SLCO5A1: variants seen among roughly 807,000 people sequenced by gnomAD.
SLCO5A1 encodes the protein organic anion transporter polypeptide-related protein 4.
A neutral mutation model predicts 65.1 loss-of-function variants in SLCO5A1; 39 were observed. That is an observed-to-expected ratio of 0.60 (90% confidence interval 0.46 to 0.78). The LOEUF is 0.78. Among genes scored for constraint, SLCO5A1 ranks in the 30% least tolerant of loss-of-function variants. SLCO5A1 has a pLI of 0.00. For synonymous variants in SLCO5A1, 438 were observed against 415.7 expected (o/e 1.05, Z -0.65); for missense variants, 1,029 against 1,069.4 (o/e 0.96, Z 0.53).
chr8:69,728,460 C>A (rs1002340883), intron 5 of SLCO5A1, among the ~76,000 whole-genome samples: 3 of 151,736 alleles, frequency 2.0e-5, no homozygotes, highest in African/African-American at 7.3e-5. Context: ...AATTAAAAAC[C>A]AAAAACAAAT....
intron 5 of SLCO5A1, among the ~76,000 whole-genome samples, chr8:69,706,006 T>C (rs889409681): frequency 2.0e-5 from 3 of 152,238 alleles, no homozygotes; most frequent in African/African-American, 7.2e-5. Context: ...TGAAGCATTA[T>C]AATTGTAAAA....
chr8:69,775,507 T>C (rs1818520202), intron 2 of SLCO5A1, among the ~76,000 whole-genome samples: 1 of 152,204 alleles, frequency 6.6e-6, no homozygotes, highest in Non-Finnish European at 1.5e-5. Flanking sequence ...CCACTGTTTA[T>C]ACACTTCATC....
chr8:69,686,546 A>C (rs1244418908), intron 6 of SLCO5A1, among the ~76,000 whole-genome samples: 1 of 152,184 alleles, frequency 6.6e-6, no homozygotes, highest in Non-Finnish European at 1.5e-5. Flanking sequence ...AAGTTGTCTC[A>C]TTCATTCCCC....
chr8:69,704,618 A>G (rs1814889375), intron 6 of SLCO5A1, among the ~76,000 whole-genome samples: 1 of 152,214 alleles, frequency 6.6e-6, no homozygotes, highest in Non-Finnish European at 1.5e-5. Context: ...GCTTGCAGGA[A>G]TGGGAAGAGC....
chr8:69,782,904 A>G (rs1050935472), intron 2 of SLCO5A1, among the ~76,000 whole-genome samples: 3 of 152,192 alleles, frequency 2.0e-5, no homozygotes, highest in Non-Finnish European at 2.9e-5. Flanking sequence ...TCGTAAGAGT[A>G]TTGGCTTCAG....
chr8:69,673,136 T>C lies in SLCO5A1; in HGVS notation c.2280A>G (p.Ile760Met), dbSNP rs753311659. 2 of 1,614,242 alleles carry C rather than the reference T, an allele frequency of 1.2e-6. No individual in the cohort carries two copies. The highest frequency in any genetic ancestry group is 1.7e-5 in the Admixed American group (1 of 60,038). Reference sequence around the variant, plus strand: ...TCTGCAGTCCATCCTCCTTGTATTTTATGGAGTACCAGGCCAGAAAAATAA... The same window carrying C: ...TCTGCAGTCCATCCTCCTTGTATTTCATGGAGTACCAGGCCAGAAAAATAA... The part of the protein sequence containing the change: ...FIFIFLAWYS[I>M]KYKEDGLQRR... Residue 760 changes from isoleucine to methionine, a missense_variant, in exon 10 of 10, where the codon ATA becomes ATG. Physicochemically the swap from Ile to Met is conservative, Grantham distance 10. Coordinates refer to ENST00000260126, the MANE Select transcript of SLCO5A1 (RefSeq NM_030958.3).
chr8:69,822,691 G>A (rs1056840538), intron 2 of SLCO5A1, among the ~76,000 whole-genome samples: 9 of 152,130 alleles, frequency 5.9e-5, no homozygotes, highest in African/African-American at 1.4e-4. Flanking sequence ...CAGAACACTC[G>A]CACACATGGA....
chr8:69,720,943 C>T (rs542824258), intron 5 of SLCO5A1, among the ~76,000 whole-genome samples: 1 of 152,250 alleles, frequency 6.6e-6, no homozygotes, highest in East Asian at 1.9e-4. Context: ...GATTGGGTTC[C>T]AATAAAGTTT....
At chr8:69,789,191 T>C (rs1490558147) in intron 2 of SLCO5A1, among the ~76,000 whole-genome samples, 1 of 152,206 alleles carries the variant, frequency 6.6e-6, no homozygotes, top group African/African-American at 2.4e-5. Context: ...TAGAGCACCA[T>C]CACCTTCAGC....
intron 2 of SLCO5A1, chr8:69,794,649 G>A (rs1819413145): frequency 3.1e-6 from 1 of 322,956 alleles, no homozygotes; most frequent in African/African-American, 2.2e-5. Context: ...CTGTTTTTAG[G>A]ACTCTTTATG....
chr8:69,719,008 C>T (rs1312177830), intron 5 of SLCO5A1, among the ~76,000 whole-genome samples: 1 of 152,094 alleles, frequency 6.6e-6, no homozygotes, highest in Non-Finnish European at 1.5e-5. Flanking sequence ...GTGAACACAG[C>T]ATTAGGGGGA....
intron 5 of SLCO5A1, among the ~76,000 whole-genome samples, chr8:69,706,362 G>A (rs1172011747): frequency 1.3e-5 from 2 of 152,182 alleles, no homozygotes; most frequent in African/African-American, 4.8e-5. Flanking sequence ...AGGTTCCTCT[G>A]GTGCTGAAAA....
intron 2 of SLCO5A1, among the ~76,000 whole-genome samples, chr8:69,786,912 T>A (rs1366146485): frequency 6.6e-6 from 1 of 152,196 alleles, no homozygotes; most frequent in African/African-American, 2.4e-5. Flanking sequence ...TAGTTAAGGA[T>A]CCATTCCAAT....
intron 6 of SLCO5A1, among the ~76,000 whole-genome samples, chr8:69,702,438 A>G (rs2130807894): frequency 6.6e-6 from 1 of 152,250 alleles, no homozygotes; most frequent in African/African-American, 2.4e-5. Context: ...TCATTTTTAG[A>G]GACTTTATTG....
Position 69,673,317 on chromosome 8 carries a change from G to A in SLCO5A1, c.2099C>T (p.Pro700Leu). The change falls in exon 10 of 10, where the codon CCT (proline) becomes CTT (leucine). Residue 700 changes from proline to leucine, a missense_variant. By Grantham distance (98) the Pro-to-Leu change is moderately conservative. Coordinates refer to ENST00000260126, the MANE Select transcript of SLCO5A1 (RefSeq NM_030958.3). Reference sequence around the variant, plus strand: ...GACTGCTCCAAAGTAGATTGGAGTAGGAATGTATGCTAGAGGGGTGGAGAA... The same window carrying A: ...GACTGCTCCAAAGTAGATTGGAGTAAGAATGTATGCTAGAGGGGTGGAGAA... ...FVLLRTLAYIPTPIYFGAVID... is the reference protein window; with the variant it reads ...FVLLRTLAYILTPIYFGAVID... 1 of 1,612,954 alleles carries A rather than the reference G, an allele frequency of 6.2e-7. No homozygotes were observed. The highest frequency in any genetic ancestry group is 8.5e-7 in the Non-Finnish European group (1 of 1,179,096).
At position 69,753,607 on chromosome 8, in the gene SLCO5A1, A is replaced by G. The variant is rs144944842; in HGVS notation, c.1258+1817T>C. On this transcript the variant is annotated intron_variant, in intron 4 of 9. Coordinates refer to ENST00000260126, the MANE Select transcript of SLCO5A1 (RefSeq NM_030958.3). The stretch of plus-strand genomic sequence containing the variant: ...GCTTTTTTCTACTGTCCAATAGATC[A>G]TATATTTCATATTCAAGTCACCTAA... Among the ~76,000 whole-genome samples the G allele has an allele frequency of 1.2e-3, 190 of 152,324 alleles. 6 individuals are homozygous for G. The East Asian group carries it at 0.036, about 29-fold the overall frequency.
chr8:69,798,468 G>A (rs1586812444), intron 2 of SLCO5A1, among the ~76,000 whole-genome samples: 1 of 152,168 alleles, frequency 6.6e-6, no homozygotes, highest in South Asian at 2.1e-4. Context: ...AGGGGAAGCT[G>A]GCACTTCACA....
chr8:69,729,703 A>C (rs1225520766), intron 5 of SLCO5A1, among the ~76,000 whole-genome samples: 22 of 151,878 alleles, frequency 1.4e-4, no homozygotes. Flanking sequence ...AGAGAGAGAG[A>C]GCGTGTGTGT....
At chr8:69,734,622 A>G (rs1816478180) in intron 5 of SLCO5A1, among the ~76,000 whole-genome samples, 1 of 152,240 alleles carries the variant, frequency 6.6e-6, no homozygotes, top group African/African-American at 2.4e-5. Flanking sequence ...TTCAATGGCA[A>G]TGTGAACAAG....
Sources: allele counts gnomAD v4.1 joint callset (sites outside exome capture counted in the v4.1 genomes callset), GRCh38; gene constraint gnomAD v4.1.1; transcripts MANE v1.5; gene names NCBI Gene and HGNC (gene_info 2026-07-23, HGNC 2026-07-21).